Variants in MID2 observed in about 807,000 individuals in gnomAD.
MID2 encodes probable E3 ubiquitin-protein ligase MID2.
MID2 carries 13 observed loss-of-function variants against 46.1 expected under a neutral mutation model. That is an observed-to-expected ratio of 0.28 (90% CI 0.18 to 0.45). The LOEUF (loss-of-function observed/expected upper bound fraction) is 0.45, where lower values mean the gene tolerates loss of function less well. Ranked by LOEUF, MID2 falls within the 20% of genes least tolerant of loss-of-function variation. MID2 has a pLI of 1.00. For missense variants in MID2, 431 were observed against 575.4 expected (o/e 0.75, Z 2.57); for synonymous variants, 199 against 212.3 (o/e 0.94, Z 0.55).
intron 2 of MID2, among the ~76,000 whole-genome samples, chrX:107,852,485 A>G (rs2147833142): frequency 9.0e-6 from 1 of 111,627 alleles, no homozygotes; most frequent in African/African-American, 3.3e-5. Flanking sequence ...CTTTGCCAAG[A>G]AGACCACAGA....
At chrX:107,891,302 A>G (rs1238405224) in intron 3 of MID2, among the ~76,000 whole-genome samples, 1 of 96,767 alleles carries the variant, frequency 1.0e-5, no homozygotes, top group African/African-American at 3.9e-5. Context: ...TTTTTTTGAG[A>G]AAGAGTCTCA....
chrX:107,837,299 G>A (rs73527020), intron 1 of MID2, among the ~76,000 whole-genome samples: 1,478 of 111,804 alleles, frequency 0.013, 23 homozygotes, highest in African/African-American at 0.046. Flanking sequence ...ATAGTTTTCA[G>A]CATACATAGA....
intron 5 of MID2, 22 bp downstream of exon 5, chrX:107,905,648 G>C: frequency 8.7e-7 from 1 of 1,152,338 alleles, no homozygotes; most frequent in Non-Finnish European, 1.2e-6. Context: ...ATATTCTTTG[G>C]AAATGCCTGC....
intron 3 of MID2, among the ~76,000 whole-genome samples, 154 bp downstream of exon 3, chrX:107,854,858 A>G (rs1258321104): frequency 2.7e-5 from 3 of 111,938 alleles, no homozygotes; most frequent in Non-Finnish European, 3.8e-5. Flanking sequence ...TGCTTGTTCC[A>G]AAAAAAGTGT....
At chrX:107,885,800 T>TA (rs1335251370) in intron 3 of MID2, among the ~76,000 whole-genome samples, 2 of 112,037 alleles carry the variant, frequency 1.8e-5, no homozygotes, top group African/African-American at 6.5e-5. Flanking sequence ...ACTGACTTTT[T>TA]AATGATTGCC....
At chrX:107,905,913 G>A (rs1932832314) in intron 5 of MID2, among the ~76,000 whole-genome samples, 2 of 111,612 alleles carry the variant, frequency 1.8e-5, no homozygotes, top group Non-Finnish European at 3.8e-5. Context: ...TTGGTATAAG[G>A]GTAGAGAAAC....
At chrX:107,904,430 T>C (rs1569469748) in intron 4 of MID2, among the ~76,000 whole-genome samples, 1 of 111,797 alleles carries the variant, frequency 8.9e-6, no homozygotes, top group African/African-American at 3.3e-5. Context: ...ATGAGGACTC[T>C]GGGCTTAATC....
At chrX:107,921,329 C>T (rs1933067459) in intron 7 of MID2, among the ~76,000 whole-genome samples, 1 of 111,288 alleles carries the variant, frequency 9.0e-6, no homozygotes, top group Non-Finnish European at 1.9e-5. Flanking sequence ...TATCTGGAGA[C>T]ACATGATGTC....
intron 2 of MID2, among the ~76,000 whole-genome samples, chrX:107,845,256 G>C (rs1040851542): frequency 9.0e-6 from 1 of 111,089 alleles, no homozygotes; most frequent in African/African-American, 3.3e-5. Flanking sequence ...AATTCTCTTT[G>C]AGAGTGATGT....
At chrX:107,906,557 C>A (rs6523985) in intron 5 of MID2, among the ~76,000 whole-genome samples, 33,495 of 111,088 alleles carry the variant, frequency 0.3, 6,943 homozygotes, top group African/African-American at 0.76. Context: ...TTTAACTATA[C>A]CCTCTACTTA....
chrX:107,840,638 GC>G (rs1268105579), intron 1 of MID2, 31 bp from the exon 2 acceptor site: 1 of 1,100,986 alleles, frequency 9.1e-7, no homozygotes, highest in Non-Finnish European at 1.2e-6. Flanking sequence ...CTTTGGAAAT[GC>G]CTAATGACTC....
rs1178671982 is a variant in MID2 at position 107,928,394 on chromosome X, T to C, written c.*1321T>C. Among the ~76,000 whole-genome samples the C allele has an allele frequency of 9.0e-6, 1 of 111,382 alleles. No individual in the cohort carries two copies. Among genetic ancestry groups the C allele is most frequent in the Admixed American group, 9.5e-5 (1 of 10,487 alleles). On this transcript the variant is annotated 3_prime_UTR_variant, in exon 10 of 10. Coordinates refer to ENST00000262843, the MANE Select transcript of MID2 (RefSeq NM_012216.4). ...TATAGTTGAAGGGAATGGAGCCTTG[T>C]AGTCTATGATTTTTTTTTTTAAATT...
At chrX:107,906,893 CTT>C (rs1932840398) in intron 5 of MID2, among the ~76,000 whole-genome samples, 1 of 112,494 alleles carries the variant, frequency 8.9e-6, no homozygotes, top group Non-Finnish European at 1.9e-5. Context: ...GCCAACAATT[CTT>C]TTTTTCTTCA....
chrX:107,860,996 A>C (rs1254141996), intron 3 of MID2, among the ~76,000 whole-genome samples: 1 of 112,064 alleles, frequency 8.9e-6, no homozygotes, highest in Non-Finnish European at 1.9e-5. Context: ...AGACCAAGGT[A>C]CACGCCACTT....
chrX:107,900,896 G>T (rs374965975), intron 3 of MID2, among the ~76,000 whole-genome samples: 6 of 112,209 alleles, frequency 5.3e-5, no homozygotes, highest in Admixed American at 2.8e-4. Context: ...AGTTTGCAAA[G>T]TTTTTGAGGG....
rs181629049 is a variant in MID2, at chrX:107,908,287, T to G, written c.1073+2661T>G. Among the ~76,000 whole-genome samples, 285 of 112,323 alleles carry G rather than the reference T, an allele frequency of 2.5e-3. 1 individual carries two copies. Among genetic ancestry groups the G allele is most frequent in the South Asian group, 6.7e-3 (18 of 2,701 alleles). ...ACTTCTACAAATATTTTTATGCCACTTCCTTCCTCTCTATTCGGGATTCCA... is the reference window on the plus strand; with the variant it reads ...ACTTCTACAAATATTTTTATGCCACGTCCTTCCTCTCTATTCGGGATTCCA... On this transcript the variant is annotated intron_variant, in intron 5 of 9. Coordinates refer to ENST00000262843, the MANE Select transcript of MID2 (RefSeq NM_012216.4).
chrX:107,908,965 G>T (rs190911738), intron 5 of MID2, among the ~76,000 whole-genome samples: 108 of 111,759 alleles, frequency 9.7e-4, no homozygotes, highest in African/African-American at 3.3e-3. Flanking sequence ...TCTAATACCT[G>T]TGTCATATCT....
At position 107,830,801 on chromosome X, in the gene MID2, T is replaced by G. The variant is rs184049011; in HGVS notation, c.4+4371T>G. ...AGCTGTAATTATCTTCTTGTACAGA[T>G]AGCTAATCTACTTTTTATTTACCTC... is the stretch of plus-strand genomic sequence containing the variant. On this transcript the variant is annotated intron_variant, in intron 1 of 9. Transcript: ENST00000262843. Among the ~76,000 whole-genome samples the G allele has an allele frequency of 3.5e-3, 396 of 111,876 alleles. 2 individuals carry two copies. The highest frequency in any genetic ancestry group is 0.012 in the African/African-American group (372 of 30,807).
chrX:107,899,002 C>A (rs1932769121), intron 3 of MID2, among the ~76,000 whole-genome samples: 1 of 110,668 alleles, frequency 9.0e-6, no homozygotes, highest in African/African-American at 3.3e-5. Context: ...AATCTCAGTG[C>A]CTTCTGAACT....
Sources: allele counts gnomAD v4.1 joint callset (sites outside exome capture counted in the v4.1 genomes callset), GRCh38; gene constraint gnomAD v4.1.1; transcripts MANE v1.5; gene names NCBI Gene and HGNC (gene_info 2026-07-23, HGNC 2026-07-21).